R3HCC1L: variants seen among roughly 807,000 people sequenced by gnomAD.
The protein encoded by R3HCC1L is coiled-coil domain-containing protein R3HCC1L.
Under a neutral mutation model 59.9 loss-of-function variants are expected in R3HCC1L, and 51 were observed. The ratio of observed to expected loss-of-function variants is 0.85; its 90% CI spans 0.68 to 1.07. The LOEUF is 1.07. R3HCC1L is among the 50% of genes least tolerant of loss of function. R3HCC1L has a pLI of 0.00. For missense variants in R3HCC1L, 965 were observed against 933.0 expected (o/e 1.03, Z -0.45); for synonymous variants, 322 against 315.2 (o/e 1.02, Z -0.23).
chr10:98,187,432 C>T (rs951363822), intron 4 of R3HCC1L, among the ~76,000 whole-genome samples: 4 of 152,018 alleles, frequency 2.6e-5, no homozygotes, highest in Non-Finnish European at 5.9e-5. Flanking sequence ...GTCTCTTAAT[C>T]ATTTCTCATA....
At chr10:98,242,417 C>T (rs989744768) in intron 9 of R3HCC1L, among the ~76,000 whole-genome samples, 2 of 152,138 alleles carry the variant, frequency 1.3e-5, no homozygotes, top group Non-Finnish European at 2.9e-5. Context: ...TGTCTTATAA[C>T]GCCAAAATCA....
At chr10:98,196,970 G>C in intron 4 of R3HCC1L, among the ~76,000 whole-genome samples, 2 of 152,000 alleles carry the variant, frequency 1.3e-5, no homozygotes, top group Non-Finnish European at 2.9e-5. Flanking sequence ...AGGCTGGAGT[G>C]CAGTGGCACA....
intron 5 of R3HCC1L, among the ~76,000 whole-genome samples, chr10:98,210,986 C>T (rs1363138809): frequency 3.3e-5 from 5 of 152,162 alleles, no homozygotes; most frequent in Admixed American, 6.6e-5. Flanking sequence ...CCACCTCATT[C>T]GTGGGAGCTG....
intron 4 of R3HCC1L, among the ~76,000 whole-genome samples, chr10:98,204,487 T>C (rs1202040511): frequency 1.3e-5 from 2 of 152,174 alleles, no homozygotes; most frequent in African/African-American, 4.8e-5. Context: ...CCAAGGTACA[T>C]TTTAAAAAAT....
chr10:98,230,218 T>C (rs1856206206), intron 5 of R3HCC1L, among the ~76,000 whole-genome samples: 1 of 152,196 alleles, frequency 6.6e-6, no homozygotes, highest in Non-Finnish European at 1.5e-5. Context: ...TCCTGGACTT[T>C]TTTTGGTTGG....
At chr10:98,199,227 G>C (rs1051933101) in intron 4 of R3HCC1L, among the ~76,000 whole-genome samples, 2 of 152,078 alleles carry the variant, frequency 1.3e-5, no homozygotes, top group African/African-American at 4.8e-5. Flanking sequence ...GCATTTGAGA[G>C]TATCTTTCCA....
chr10:98,169,285 A>T (rs1414093932), intron 4 of R3HCC1L, among the ~76,000 whole-genome samples: 1 of 152,186 alleles, frequency 6.6e-6, no homozygotes, highest in Non-Finnish European at 1.5e-5. Flanking sequence ...CAGGCAGTCT[A>T]GTCTAGTAGT....
chr10:98,231,556 A>T lies in R3HCC1L; in HGVS notation c.1830A>T (p.Arg610Ser), dbSNP rs1856395046. Residue 610 changes from arginine to serine, a missense_variant, in exon 6 of 10, where the codon AGA becomes AGT. Transcript: ENST00000298999. ...GCAGAGAGAGCATCCAGGAACCTAGATCTGATTACTACAATCATGAAGTTC... is the reference window on the plus strand; with the variant it reads ...GCAGAGAGAGCATCCAGGAACCTAGTTCTGATTACTACAATCATGAAGTTC... ...TKSRESIQEP[R>S]SDYYNHEVPD... is the part of the protein sequence containing the mutation. The T allele has an allele frequency of 2.5e-6, 4 of 1,613,382 alleles. No individual in the cohort carries two copies. The highest frequency in any genetic ancestry group is 2.7e-5 in the African/African-American group (2 of 75,014).
At chr10:98,236,252 C>T (rs1429024812) in intron 9 of R3HCC1L, 88 bp downstream of exon 9, 1 of 1,507,646 alleles carries the variant, frequency 6.6e-7, no homozygotes, top group African/African-American at 1.4e-5. Context: ...AAGCCCATTC[C>T]ATTTTTGTCG....
chr10:98,219,768 C>A (rs1045917077), intron 5 of R3HCC1L, among the ~76,000 whole-genome samples: 14 of 152,148 alleles, frequency 9.2e-5, no homozygotes, highest in African/African-American at 3.1e-4. Context: ...GGAATCCCTT[C>A]TGTATATCCC....
chr10:98,170,822 C>T (rs958217938), intron 4 of R3HCC1L, among the ~76,000 whole-genome samples: 1 of 152,212 alleles, frequency 6.6e-6, no homozygotes, highest in East Asian at 1.9e-4. Context: ...GAGCCTCTTG[C>T]TCTCTGATTC....
At chr10:98,174,765 A>C (rs1247427158) in intron 4 of R3HCC1L, 1 of 980,528 alleles carries the variant, frequency 1.0e-6, no homozygotes, top group African/African-American at 1.8e-5. Context: ...CTTAAATGCA[A>C]GGTAAGCCTA....
In R3HCC1L at chr10:98,237,074, G is replaced by A. The variant is rs962655706; in HGVS notation, c.2269+910G>A. Among the ~76,000 whole-genome samples, 8 of 152,188 alleles carry A rather than the reference G, an allele frequency of 5.3e-5. No individual in the cohort carries two copies. The South Asian group carries it at 1.0e-3, about 20-fold the overall frequency. ...GCTTTAGTGATAGCAGGCAGCTTGC[G>A]GACTCCCAGCTGCACTGGCCAGATA... On this transcript the variant is annotated intron_variant, in intron 9 of 9. Transcript: ENST00000298999.
chr10:98,155,625 A>G (rs966606958), intron 1 of R3HCC1L, among the ~76,000 whole-genome samples: 6 of 151,256 alleles, frequency 4.0e-5, no homozygotes, highest in Admixed American at 1.3e-4. Context: ...CCAATAGTGG[A>G]AAAAAAAAGG....
chr10:98,219,431 A>G (rs1854609091), intron 5 of R3HCC1L, among the ~76,000 whole-genome samples: 2 of 152,212 alleles, frequency 1.3e-5, no homozygotes, highest in African/African-American at 2.4e-5. Flanking sequence ...AATTTAACCC[A>G]TGTACATTCA....
chr10:98,140,963 A>G (rs1845077323), intron 1 of R3HCC1L, among the ~76,000 whole-genome samples: 1 of 152,140 alleles, frequency 6.6e-6, no homozygotes, highest in Admixed American at 6.5e-5. Context: ...GAGAACAGAA[A>G]ACACTCATAA....
chr10:98,196,119 A>G (rs1851405926), intron 4 of R3HCC1L, among the ~76,000 whole-genome samples: 2 of 152,214 alleles, frequency 1.3e-5, no homozygotes, highest in Admixed American at 1.3e-4. Flanking sequence ...TTGCATTTCT[A>G]ATAAAGGTAT....
intron 1 of R3HCC1L, among the ~76,000 whole-genome samples, chr10:98,141,778 T>G (rs1243640042): frequency 6.6e-6 from 1 of 152,150 alleles, no homozygotes; most frequent in Non-Finnish European, 1.5e-5. Context: ...AGAGTGAACA[T>G]CTAGAGAGAA....
chr10:98,238,798 A>G (rs1028829094), intron 9 of R3HCC1L, among the ~76,000 whole-genome samples: 3 of 152,242 alleles, frequency 2.0e-5, no homozygotes, highest in Non-Finnish European at 2.9e-5. Flanking sequence ...AAATATGACA[A>G]GCTTCTTTGT....
Sources: gnomAD v4.1 joint callset for allele counts (sites outside exome capture counted in the v4.1 genomes callset) on GRCh38, gnomAD v4.1.1 for gene constraint, MANE v1.5 for transcripts, NCBI Gene and HGNC (gene_info 2026-07-23, HGNC 2026-07-21) for gene names.